CSNK1G2: variants seen among roughly 807,000 people sequenced by gnomAD.
CSNK1G2 encodes casein kinase 1 gamma 2.
CSNK1G2 carries 11 observed loss-of-function variants against 48.0 expected under a neutral mutation model. That is an observed-to-expected ratio of 0.23 (90% CI 0.14 to 0.38). The LOEUF is 0.38. Ranked by LOEUF, CSNK1G2 falls within the 10% of genes least tolerant of loss-of-function variation. The probability of loss-of-function intolerance (pLI) is 1.00; values close to 1 mark genes in which losing one functional copy is unlikely to be tolerated. For synonymous variants in CSNK1G2, 337 were observed against 254.1 expected (o/e 1.33, Z -3.10); for missense variants, 446 against 595.5 (o/e 0.75, Z 2.61).
At chr19:1,964,711 A>G (rs758230591) in intron 1 of CSNK1G2, among the ~76,000 whole-genome samples, 1 of 148,798 alleles carries the variant, frequency 6.7e-6, no homozygotes, top group South Asian at 2.1e-4. Context: ...CCTATTGTTC[A>G]GAAAAAAGTT....
chr19:1,975,062 G>A (rs1044268096), intron 2 of CSNK1G2: 85 of 985,426 alleles, frequency 8.6e-5, no homozygotes, highest in Middle Eastern at 5.2e-4. Flanking sequence ...TCTCTGACAC[G>A]CCAGCCGCAC....
intron 2 of CSNK1G2, chr19:1,976,255 C>T: frequency 4.1e-6 from 2 of 485,486 alleles, no homozygotes; most frequent in Non-Finnish European, 6.9e-6. Context: ...ACGCGGGGAC[C>T]AGCCCTGGTC....
chr19:1,946,362 G>A (rs1044287144), intron 1 of CSNK1G2, among the ~76,000 whole-genome samples: 1 of 151,028 alleles, frequency 6.6e-6, no homozygotes, highest in African/African-American at 2.4e-5. Context: ...CCCGATCTCA[G>A]CTCACTGCAA....
At chr19:1,975,184 G>C (rs555787440) in intron 2 of CSNK1G2, 6 of 985,472 alleles carry the variant, frequency 6.1e-6, no homozygotes, top group Non-Finnish European at 7.2e-6. Flanking sequence ...CCATCAAGAC[G>C]CTGCCAAGAG....
chr19:1,954,405 G>A (rs140944705), intron 1 of CSNK1G2: 1,941 of 183,886 alleles, frequency 0.011, 33 homozygotes, highest in African/African-American at 0.043. Flanking sequence ...CAGCCCCTGC[G>A]GCCCCAGGTC....
intron 1 of CSNK1G2, among the ~76,000 whole-genome samples, chr19:1,962,222 C>A (rs923916020): frequency 5.3e-5 from 8 of 151,826 alleles, no homozygotes; most frequent in African/African-American, 1.7e-4. Context: ...GTCCCAGCTA[C>A]TCGGGAGGCT....
At chr19:1,960,163 G>A (rs911050968) in intron 1 of CSNK1G2, among the ~76,000 whole-genome samples, 4 of 152,202 alleles carry the variant, frequency 2.6e-5, no homozygotes, top group Non-Finnish European at 5.9e-5. Flanking sequence ...GCACAGGGGC[G>A]TGTAGGAAGA....
At chr19:1,947,663 C>G (rs10403110) in intron 1 of CSNK1G2, among the ~76,000 whole-genome samples, 11 of 152,152 alleles carry the variant, frequency 7.2e-5, no homozygotes, top group Admixed American at 2.0e-4. Context: ...CAGCTGGGCC[C>G]TGGCCACGTG....
intron 1 of CSNK1G2, among the ~76,000 whole-genome samples, chr19:1,948,028 C>T (rs932651079): frequency 1.8e-4 from 27 of 152,202 alleles, no homozygotes; most frequent in South Asian, 4.1e-4. Context: ...CTGAAAGCTT[C>T]GTGGGCCGGG....
At chr19:1,965,450 CAATG>C (rs1211150189) in intron 1 of CSNK1G2, among the ~76,000 whole-genome samples, 1 of 151,678 alleles carries the variant, frequency 6.6e-6, no homozygotes, top group Non-Finnish European at 1.5e-5. Context: ...GCCTGTGGAT[CAATG>C]AATGAATGAA....
rs539240068 is a variant in CSNK1G2 at position 1,950,959 on chromosome 19, C to T, written c.-266+9541C>T. On this transcript the variant is annotated intron_variant, in intron 1 of 11. Transcript: ENST00000255641. Reference sequence around the variant, plus strand: ...CCCCCCTAGATCCCTGGGTGATCCCCGTGCCCAGTTTTCAGGGGAGACCAT... The same window carrying T: ...CCCCCCTAGATCCCTGGGTGATCCCTGTGCCCAGTTTTCAGGGGAGACCAT... 2.1e-4 allele frequency among the ~76,000 whole-genome samples: 30 copies of T among 146,232 alleles called. 2 individuals are homozygous for T. The highest frequency in any genetic ancestry group is 2.2e-4 in the South Asian group (1 of 4,530).
chr19:1,960,519 C>T (rs531619405), intron 1 of CSNK1G2, among the ~76,000 whole-genome samples: 1 of 152,330 alleles, frequency 6.6e-6, no homozygotes, highest in South Asian at 2.1e-4. Context: ...CCGTGTCCCC[C>T]GTGTGCCTGC....
rs139042120 is a variant in CSNK1G2 at position 1,979,017 on chromosome 19, G to T, written c.606G>T (p.Lys202Asn). ...AKEYIDPETK[K>N]HIPYREHKSL... ...AGTACATCGACCCCGAGACCAAGAA[G>T]CACATCCCGTACCGCGAGCACAAGA... The change falls in exon 6 of 12, where the codon AAG becomes AAT. Residue 202 changes from lysine to asparagine, a missense_variant. Lys to Asn is a moderately conservative substitution (Grantham distance 94). Transcript: ENST00000255641. 6.3e-7 allele frequency: 1 copy of T among 1,598,440 alleles called. No homozygotes were observed. The highest frequency in any genetic ancestry group is 8.5e-7 in the Non-Finnish European group (1 of 1,179,506).
chr19:1,969,718 T>G lies in CSNK1G2; in HGVS notation c.-55T>G. ...GCCAAGACCTCAGGTTTCCAGAGACTTGGGATTTGCACGGCAGCAGAGTCA... is the reference window on the plus strand; with the variant it reads ...GCCAAGACCTCAGGTTTCCAGAGACGTGGGATTTGCACGGCAGCAGAGTCA... On this transcript the variant is annotated 5_prime_UTR_variant, in exon 2 of 12. Coordinates refer to ENST00000255641, the MANE Select transcript of CSNK1G2 (RefSeq NM_001319.7). 1 of 1,242,178 alleles carries G rather than the reference T, an allele frequency of 8.1e-7. No homozygotes were observed. The highest frequency in any genetic ancestry group is 1.0e-6 in the Non-Finnish European group (1 of 981,044). The allele number at this position is 1,242,178 out of a possible 1,614,324, so 76.9% of individuals were successfully genotyped here. A position where few individuals can be genotyped will look rare whatever the true frequency, so the allele number is the denominator to read the frequency against.
chr19:1,977,627 C>G (rs1392532683), intron 2 of CSNK1G2, among the ~76,000 whole-genome samples: 1 of 152,016 alleles, frequency 6.6e-6, no homozygotes, highest in Non-Finnish European at 1.5e-5. Context: ...GTGGTGCGCA[C>G]CTGTAGTCCC....
rs1157868586 is a variant in CSNK1G2, at chr19:1,978,370, C to G, written c.228+25C>G. The G allele has an allele frequency of 6.2e-6, 10 of 1,612,634 alleles. No homozygotes were observed. Among genetic ancestry groups the G allele is most frequent in the Non-Finnish European group, 8.5e-6 (10 of 1,179,388 alleles). ...GGTGAGTCGGCCCCTCCACCCCACCCCCGCTGACGTGCCCCCCAGGGATTT... is the reference window on the plus strand; with the variant it reads ...GGTGAGTCGGCCCCTCCACCCCACCGCCGCTGACGTGCCCCCCAGGGATTT... On this transcript the variant is annotated intron_variant, in intron 3 of 11. Coordinates refer to ENST00000255641, the MANE Select transcript of CSNK1G2 (RefSeq NM_001319.7). This position sits in a 1 kb window ranked among gnomAD's most constrained non-coding sequence, Gnocchi z 7.3.
At chr19:1,967,677 T>C (rs796931619) in intron 1 of CSNK1G2, among the ~76,000 whole-genome samples, 30 of 130,092 alleles carry the variant, frequency 2.3e-4, no homozygotes, top group African/African-American at 9.6e-4. Flanking sequence ...GTGGGGCTCC[T>C]CCCTCCTCCC....
Position 1,978,742 on chromosome 19 carries a change from A to G in CSNK1G2, c.439A>G (p.Ile147Val), listed in dbSNP as rs1196952816. 6.3e-6 allele frequency: 10 copies of G among 1,580,658 alleles called. No individual in the cohort carries two copies. Among genetic ancestry groups the G allele is most frequent in the East Asian group, 2.3e-5 (1 of 43,318 alleles). ...FTLKTVLMIA[I>V]QLITRMEYVH... ...GCTCAAGACGGTGCTGATGATCGCC[A>G]TCCAGCTGGTGCGCGGCGGGCGGGG... The change falls in exon 5 of 12, where the codon ATC (isoleucine) becomes GTC (valine). Residue 147 changes from isoleucine to valine, a missense_variant. Ile to Val is a conservative substitution (Grantham distance 29). Around this residue, in one of 2 missense-constraint regions of CSNK1G2, gnomAD observed 258 missense variants for 415.9 expected, o/e 0.62. Coordinates refer to ENST00000255641, the MANE Select transcript of CSNK1G2 (RefSeq NM_001319.7). This position sits in a 1 kb window ranked among gnomAD's most constrained non-coding sequence, Gnocchi z 7.3.
At chr19:1,965,847 A>G (rs921638032) in intron 1 of CSNK1G2, among the ~76,000 whole-genome samples, 9 of 152,058 alleles carry the variant, frequency 5.9e-5, no homozygotes, top group African/African-American at 1.7e-4. Flanking sequence ...CCCAGGCTGC[A>G]GTGGAGAAGC....
Sources: gnomAD v4.1 joint callset for allele counts (sites outside exome capture counted in the v4.1 genomes callset) on GRCh38, gnomAD v4.1.1 for gene constraint, gnomAD v4.1.1 regional missense constraint, Gnocchi (gnomAD v3.1) non-coding constraint, MANE v1.5 for transcripts, NCBI Gene and HGNC (gene_info 2026-07-23, HGNC 2026-07-21) for gene names.